The following PACSIN2 variants were observed in gnomAD, a reference collection of about 807,000 sequenced individuals.
PACSIN2 encodes the protein protein kinase C and casein kinase substrate in neurons protein 2.
Under a neutral mutation model 63.8 loss-of-function variants are expected in PACSIN2, and 25 were observed. The ratio of observed to expected loss-of-function variants is 0.39; its 90% CI spans 0.29 to 0.55. The LOEUF (loss-of-function observed/expected upper bound fraction) is 0.55. PACSIN2 is among the 20% of genes least tolerant of loss of function. PACSIN2 has a pLI of 0.62. For synonymous variants in PACSIN2, 255 were observed against 256.2 expected, an observed-to-expected ratio of 1.00 and a Z score of 0.05; for missense variants, 518 against 646.9, an observed-to-expected ratio of 0.80 and a Z score of 2.16.
intron 1 of PACSIN2, among the ~76,000 whole-genome samples, chr22:42,960,437 G>A (rs1178309319): frequency 6.6e-6 from 1 of 152,152 alleles, no homozygotes; most frequent in Non-Finnish European, 1.5e-5. Context: ...ACAGGCAGGT[G>A]ACCCCATGGT....
intron 1 of PACSIN2, among the ~76,000 whole-genome samples, chr22:42,958,233 T>A (rs928873936): frequency 6.6e-6 from 1 of 151,860 alleles, no homozygotes. Flanking sequence ...ACGAGTGACC[T>A]TGGACAAGTC....
At chr22:42,932,513 T>C (rs537321694) in intron 1 of PACSIN2, among the ~76,000 whole-genome samples, 12 of 152,274 alleles carry the variant, frequency 7.9e-5, no homozygotes, top group African/African-American at 9.6e-5. Flanking sequence ...AGCGACACAC[T>C]TGGGGATCTT....
intron 2 of PACSIN2, among the ~76,000 whole-genome samples, chr22:42,899,500 G>T (rs1208198400): frequency 6.6e-6 from 1 of 152,196 alleles, no homozygotes; most frequent in Non-Finnish European, 1.5e-5. Flanking sequence ...CAGCAAGGCA[G>T]CTCTACGCCT....
chr22:42,926,525 G>A (rs190990417), intron 1 of PACSIN2, among the ~76,000 whole-genome samples: 35 of 152,268 alleles, frequency 2.3e-4, no homozygotes, highest in African/African-American at 8.2e-4. Flanking sequence ...GGGAATCTTA[G>A]GAACTCCACG....
intron 3 of PACSIN2, among the ~76,000 whole-genome samples, chr22:42,892,511 G>A (rs1929984700): frequency 6.6e-6 from 1 of 152,178 alleles, no homozygotes; most frequent in Non-Finnish European, 1.5e-5. Context: ...TAAACCTCAA[G>A]CTCTGACTGA....
At chr22:42,952,522 C>G (rs954258219) in intron 1 of PACSIN2, among the ~76,000 whole-genome samples, 2 of 151,658 alleles carry the variant, frequency 1.3e-5, no homozygotes, top group Non-Finnish European at 2.9e-5. Context: ...CCACGCCTGG[C>G]TAATTTGTTT....
chr22:42,895,820 C>A (rs1474184641), intron 2 of PACSIN2, among the ~76,000 whole-genome samples: 1 of 152,252 alleles, frequency 6.6e-6, no homozygotes, highest in Non-Finnish European at 1.5e-5. Context: ...GTATGCCAAA[C>A]AGTTGGGACC....
chr22:42,893,267 C>T (rs1235763398), intron 3 of PACSIN2, among the ~76,000 whole-genome samples, 190 bp downstream of exon 3: 1 of 152,230 alleles, frequency 6.6e-6, no homozygotes, highest in African/African-American at 2.4e-5. Context: ...GCTCATGGAG[C>T]CTGTGCCTTC....
rs200898876 is a variant in PACSIN2, at chr22:42,879,076, C to T, written c.1000G>A (p.Asp334Asn). The T allele has an allele frequency of 4.8e-3, 7,750 of 1,614,046 alleles. 29 individuals are homozygous for T. Among genetic ancestry groups the T allele is most frequent in the Non-Finnish European group, 5.9e-3 (6,922 of 1,179,978 alleles). The change falls in exon 8 of 11, where the codon GAC (aspartate) becomes AAC (asparagine). Residue 334 changes from aspartate to asparagine, a missense_variant. Asp to Asn is a conservative substitution (Grantham distance 23). Around this residue, in one of 2 missense-constraint regions of PACSIN2, gnomAD observed 507 missense variants for 612.3 expected, o/e 0.83. Coordinates refer to ENST00000263246, the MANE Select transcript of PACSIN2 (RefSeq NM_001184970.3). ...CTGGGCTTACTCGGCAGAGACTGGT[C>T]GCCTGTCTGGTTGATGCCCGTCAGG... Reference protein sequence around the residue: ...VTLTGINQTGDQSLPSKPSST... With the variant: ...VTLTGINQTGNQSLPSKPSST...
chr22:42,879,428 C>A (rs1928908197), intron 7 of PACSIN2, among the ~76,000 whole-genome samples: 1 of 152,222 alleles, frequency 6.6e-6, no homozygotes, highest in Non-Finnish European at 1.5e-5. Context: ...CCTCTACAAC[C>A]ACCCCCAGGC....
intron 1 of PACSIN2, among the ~76,000 whole-genome samples, chr22:42,990,015 T>TAC (rs1218899983): frequency 7.0e-6 from 1 of 143,296 alleles, no homozygotes; most frequent in Non-Finnish European, 1.5e-5. Context: ...CACATATATA[T>TAC]ACACACATAT....
chr22:42,992,654 T>C (rs1362071115), intron 1 of PACSIN2, among the ~76,000 whole-genome samples: 1 of 152,192 alleles, frequency 6.6e-6, no homozygotes, highest in Non-Finnish European at 1.5e-5. Flanking sequence ...AGCACCTTAT[T>C]TTTCTGTAAC....
chr22:42,882,129 G>A, intron 7 of PACSIN2, 55 bp downstream of exon 7: 1 of 1,596,260 alleles, frequency 6.3e-7, no homozygotes, highest in South Asian at 1.1e-5. Context: ...TAGCAACTCT[G>A]TGGGCCCAGG....
intron 1 of PACSIN2, among the ~76,000 whole-genome samples, chr22:42,930,984 C>G (rs1932768721): frequency 6.6e-6 from 1 of 152,218 alleles, no homozygotes; most frequent in Non-Finnish European, 1.5e-5. Context: ...AGGCTGGATG[C>G]TAAGGGAGGC....
chr22:42,904,882 C>G (rs554194921), intron 2 of PACSIN2, among the ~76,000 whole-genome samples: 5 of 152,370 alleles, frequency 3.3e-5, no homozygotes, highest in Admixed American at 3.3e-4. Flanking sequence ...CCCCCCTGCA[C>G]TGTGCCCAGC....
At chr22:42,982,891 C>CAAAAAA (rs1227335781) in intron 1 of PACSIN2, among the ~76,000 whole-genome samples, 3 of 82,730 alleles carry the variant, frequency 3.6e-5, no homozygotes, top group East Asian at 2.9e-4. Context: ...AAAAAAAAAA[C>CAAAAAA]AACAACAAGG....
intron 1 of PACSIN2, among the ~76,000 whole-genome samples, chr22:42,932,878 C>T (rs2146779455): frequency 6.6e-6 from 1 of 152,298 alleles, no homozygotes; most frequent in South Asian, 2.1e-4. Flanking sequence ...CCACATGCCA[C>T]TAGAAGTCCA....
chr22:42,895,966 G>A (rs1202135840), intron 2 of PACSIN2, among the ~76,000 whole-genome samples: 2 of 152,186 alleles, frequency 1.3e-5, no homozygotes. Flanking sequence ...CACTTCCCTG[G>A]GCAAAGCACT....
At chr22:42,960,305 C>T (rs2068943) in intron 1 of PACSIN2, among the ~76,000 whole-genome samples, 92,447 of 151,998 alleles carry the variant, frequency 0.61, 28,749 homozygotes, top group East Asian at 0.78. Context: ...TAATCTTACA[C>T]TGTCCCTACA....
Sources: gnomAD v4.1 joint callset for allele counts (sites outside exome capture counted in the v4.1 genomes callset) on GRCh38, gnomAD v4.1.1 for gene constraint, gnomAD v4.1.1 regional missense constraint, MANE v1.5 for transcripts, NCBI Gene and HGNC (gene_info 2026-07-23, HGNC 2026-07-21) for gene names.